The following PRR3 variants were observed in gnomAD, a reference collection of about 807,000 sequenced individuals.
PRR3 encodes the protein proline-rich protein 3.
PRR3 carries 16 observed loss-of-function variants against 22.4 expected under a neutral mutation model. The observed-to-expected ratio is 0.71, with a 90% confidence interval of 0.48 to 1.09. PRR3 has a LOEUF of 1.09. PRR3 is among the 50% of genes least tolerant of loss of function. The pLI is 0.00. For missense variants in PRR3, 224 were observed against 243.4 expected, an observed-to-expected ratio of 0.92 and a Z score of 0.53; for synonymous variants, 87 against 88.6, an observed-to-expected ratio of 0.98 and a Z score of 0.10.
At position 30,558,254 on chromosome 6, in the gene PRR3, G is replaced by C. The variant is rs367990018; in HGVS notation, c.169+42G>C. 10 of 1,551,212 alleles carry C rather than the reference G, an allele frequency of 6.4e-6. No homozygotes were observed. The South Asian group carries it at 1.1e-4, about 17-fold the overall frequency. Reference sequence around the variant, plus strand: ...CCTGATCCTTGTATTAGGTCGTAGAGAAGACAGCAAGGGAGGGGATAAAAC... The same window carrying C: ...CCTGATCCTTGTATTAGGTCGTAGACAAGACAGCAAGGGAGGGGATAAAAC... On this transcript the variant is annotated intron_variant, in intron 2 of 3. Coordinates refer to ENST00000376560, the MANE Select transcript of PRR3 (RefSeq NM_025263.4).
At chr6:30,559,711 C>G (rs1304598597) in intron 2 of PRR3, among the ~76,000 whole-genome samples, 1 of 151,488 alleles carries the variant, frequency 6.6e-6, no homozygotes, top group Non-Finnish European at 1.5e-5. Flanking sequence ...CTATAGAAAA[C>G]AATATGAAGA....
At chr6:30,558,281 C>G (rs772658201) in intron 2 of PRR3, 69 bp downstream of exon 2, 1 of 1,265,512 alleles carries the variant, frequency 7.9e-7, no homozygotes, top group African/African-American at 1.5e-5. Context: ...GGATAAAACC[C>G]AGGAAGGACT....
intron 2 of PRR3, among the ~76,000 whole-genome samples, chr6:30,559,551 C>G (rs936986640): frequency 3.9e-5 from 6 of 151,980 alleles, no homozygotes; most frequent in South Asian, 2.1e-4. Flanking sequence ...CACAGGACAC[C>G]TTATTAAAAT....
rs1367089180 is a variant in PRR3 at position 30,562,630 on chromosome 6, C to G, written c.*135C>G. ...AGTGACACACCCATCCCATCCACCA[C>G]TTCCCCCGTGTGGGGTCCAGAGTGG... is the stretch of plus-strand genomic sequence containing the variant. On this transcript the variant is annotated 3_prime_UTR_variant, in exon 4 of 4. Coordinates refer to ENST00000376560, the MANE Select transcript of PRR3 (RefSeq NM_025263.4). 1.6e-6 allele frequency: 1 copy of G among 640,706 alleles called. No individual in the cohort carries two copies. Among genetic ancestry groups the G allele is most frequent in the African/African-American group, 1.8e-5 (1 of 54,742 alleles). The allele number at this position is 640,706 out of a possible 1,614,324, so 39.7% of individuals were successfully genotyped here. A position where few individuals can be genotyped will look rare whatever the true frequency, so the allele number is the denominator to read the frequency against.
At chr6:30,557,261 A>AC (rs1166364358), upstream of PRR3, 14 of 1,040,754 alleles carry the variant, frequency 1.3e-5, no homozygotes, top group East Asian at 5.2e-5. Context: ...CTGCCCACCG[A>AC]CCCCCCGGAA....
intron 2 of PRR3, 108 bp downstream of exon 2, chr6:30,558,320 C>G: frequency 1.2e-6 from 1 of 857,306 alleles, no homozygotes; most frequent in South Asian, 1.5e-5. Context: ...GATTCCATCC[C>G]TAAATGAATG....
At chr6:30,558,044 T>G (rs1800375023) in intron 1 of PRR3, 106 bp from the exon 2 acceptor site, 1 of 968,924 alleles carries the variant, frequency 1.0e-6, no homozygotes, top group African/African-American at 1.6e-5. Flanking sequence ...TATACCTGAC[T>G]TTACTGGTTG....
intron 1 of PRR3, 149 bp downstream of exon 1, chr6:30,557,599 G>C (rs1800344471): frequency 3.2e-6 from 2 of 624,164 alleles, no homozygotes; most frequent in Non-Finnish European, 5.6e-6. Flanking sequence ...CTCCCAAATG[G>C]AGCCTTGAAC....
rs1441846530 is a variant in PRR3 at position 30,562,012 on chromosome 6, G to A, written c.348G>A (p.Gly116=). 4 of 1,612,896 alleles carry A rather than the reference G, an allele frequency of 2.5e-6. No homozygotes were observed. The highest frequency in any genetic ancestry group is 3.4e-6 in the Non-Finnish European group (4 of 1,180,046). ...CTCCTTTTCCGGGGCCAGGCCATGG[G>A]GGTCCCACCAGGGGAAGCTTTCACA... ...AEPPFPGPGH[G]GPTRGSFHKE... The change falls in exon 3 of 4, where the codon GGG becomes GGA. Residue 116 remains glycine, a synonymous_variant. Coordinates refer to ENST00000376560, the MANE Select transcript of PRR3 (RefSeq NM_025263.4).
At chr6:30,560,064 G>A (rs1394375336) in intron 2 of PRR3, 1 of 152,268 alleles carries the variant, frequency 6.6e-6, no homozygotes, top group Non-Finnish European at 1.5e-5. Flanking sequence ...TATCTGAGGT[G>A]TCTAAAGTCA....
upstream of PRR3, chr6:30,556,896 G>A: frequency 3.3e-6 from 2 of 603,850 alleles, no homozygotes; most frequent in South Asian, 2.0e-5. This position sits in a 1 kb window ranked among gnomAD's most constrained non-coding sequence, Gnocchi z 5.7. Flanking sequence ...AACCCAAGCG[G>A]GACAAGGACT....
upstream of PRR3, chr6:30,557,281 G>A: frequency 7.7e-7 from 1 of 1,291,218 alleles, no homozygotes; most frequent in African/African-American, 1.5e-5. Context: ...AGCGGAAACA[G>A]AATCCCCGCG....
upstream of PRR3, chr6:30,556,735 G>A: frequency 5.1e-6 from 2 of 392,974 alleles, no homozygotes; most frequent in Non-Finnish European, 9.4e-6. The surrounding 1 kb of genome is among the most constrained non-coding windows in gnomAD (Gnocchi z 5.7). Flanking sequence ...CCAGGTTGCT[G>A]GACTACACCG....
At position 30,562,086 on chromosome 6, in the gene PRR3, A is replaced by G. The variant is rs1335614712; in HGVS notation, c.422A>G (p.Asn141Ser). The change falls in exon 3 of 4, where the codon AAT becomes AGT. Residue 141 changes from asparagine (N) to serine (S), a missense_variant. Coordinates refer to ENST00000376560, the MANE Select transcript of PRR3 (RefSeq NM_025263.4). ...RRLKSWSLIK[N>S]TCPPKDDPQV... is the part of the protein sequence containing the mutation. ...CTCAAAAGCTGGTCTCTTATCAAGA[A>G]TACCTGCCCGCCCAAGGATGACCCC... 3 of 1,606,554 alleles carry G rather than the reference A, an allele frequency of 1.9e-6. No individual in the cohort carries two copies. Among genetic ancestry groups the G allele is most frequent in the African/African-American group, 2.7e-5 (2 of 74,738 alleles).
At chr6:30,562,346 T>C in intron 3 of PRR3, 43 bp from the exon 4 acceptor site, 1 of 1,462,298 alleles carries the variant, frequency 6.8e-7, no homozygotes, top group Non-Finnish European at 9.6e-7. Flanking sequence ...TTGTTTTCTT[T>C]GTTGCTCAAA....
chr6:30,558,344 T>C, intron 2 of PRR3, 132 bp downstream of exon 2: 1 of 712,720 alleles, frequency 1.4e-6, no homozygotes, highest in Non-Finnish European at 2.4e-6. Context: ...AGAAGTTGTA[T>C]ATTTGCTGAT....
At chr6:30,557,279 CAG>C (rs2127385786), upstream of PRR3, 7 of 1,276,576 alleles carry the variant, frequency 5.5e-6, no homozygotes, top group East Asian at 2.5e-5. Flanking sequence ...GAAGCGGAAA[CAG>C]AATCCCCGCG....
At position 30,561,718 on chromosome 6, in the gene PRR3, TG is replaced by T; in HGVS notation, c.170-114del. On this transcript the variant is annotated intron_variant, in intron 2 of 3. Coordinates refer to ENST00000376560, the MANE Select transcript of PRR3 (RefSeq NM_025263.4). This position sits in a 1 kb window ranked among gnomAD's most constrained non-coding sequence, Gnocchi z 4.0. ...GAGAACTGGGTTGTGCACTTAAAACTGGTGTGTCTTTATGTATGCTGTTCTT... is the reference window on the plus strand; with the variant it reads ...GAGAACTGGGTTGTGCACTTAAAACTGTGTGTCTTTATGTATGCTGTTCTT... 2.2e-6 allele frequency: 2 copies of T among 896,526 alleles called. No individual in the cohort carries two copies. Among genetic ancestry groups the T allele is most frequent in the Non-Finnish European group, 3.3e-6 (2 of 608,072 alleles). 55.5% of individuals were successfully genotyped at this position (896,526 alleles called of 1,614,324 possible).
chr6:30,557,466 G>A lies in PRR3; in HGVS notation c.106+16G>A. The A allele has an allele frequency of 6.4e-7, 1 of 1,573,828 alleles. No individual in the cohort carries two copies. Among genetic ancestry groups the A allele is most frequent in the Non-Finnish European group, 8.7e-7 (1 of 1,148,662 alleles). On this transcript the variant is annotated intron_variant, in intron 1 of 3. Transcript: ENST00000376560. ...AGTCCCATCGGTGAGGGGTCTGGGA[G>A]GGATGTGCACATGCCTGTCAAGCCC...
Sources: allele counts gnomAD v4.1 joint callset (sites outside exome capture counted in the v4.1 genomes callset), GRCh38; gene constraint gnomAD v4.1.1; non-coding constraint Gnocchi (gnomAD v3.1); transcripts MANE v1.5; gene names NCBI Gene and HGNC (gene_info 2026-07-23, HGNC 2026-07-21).